RARB: variants seen among roughly 807,000 people sequenced by gnomAD.
RARB encodes the protein HBV-activated protein.
In RARB, 17 loss-of-function variants were observed where a neutral mutation model predicts 51.9. The ratio of observed to expected loss-of-function variants is 0.33; its 90% confidence interval spans 0.22 to 0.49. The LOEUF is 0.49. Among genes scored for constraint, RARB ranks in the 20% least tolerant of loss-of-function variants. The probability of loss-of-function intolerance (pLI) is 0.99; values close to 1 mark genes in which losing one functional copy is unlikely to be tolerated. For synonymous variants in RARB, 215 were observed against 195.4 expected (o/e 1.10, Z -0.84); for missense variants, 369 against 550.8 (o/e 0.67, Z 3.30).
At chr3:25,111,589 T>TG (rs927898289) in intron 3 of RARB, among the ~76,000 whole-genome samples, 6 of 149,448 alleles carry the variant, frequency 4.0e-5, no homozygotes, top group South Asian at 2.2e-4. Flanking sequence ...AGTGGTTTTT[T>TG]TTTTTTTTTT....
rs115826974 is a variant in RARB at position 25,227,550 on chromosome 3, T to A, written c.178+52975T>A. On this transcript the variant is annotated intron_variant, in intron 5 of 11. Transcript: ENST00000383772. ...TACATAAAATTCCTCTAGAAAGTAA[T>A]TGTTGACAGCTTGCTGTGGAAGATG... Among the ~76,000 whole-genome samples the A allele has an allele frequency of 3.9e-3, 600 of 152,234 alleles. 4 individuals carry two copies. Among genetic ancestry groups the A allele is most frequent in the African/African-American group, 0.013 (555 of 41,544 alleles).
chr3:25,186,650 G>C (rs1253459468), intron 5 of RARB, among the ~76,000 whole-genome samples: 2 of 152,012 alleles, frequency 1.3e-5, no homozygotes, highest in African/African-American at 4.8e-5. Flanking sequence ...ATAATGAATG[G>C]AAATGAATGA....
At chr3:24,861,571 T>A (rs1223394397) in intron 2 of RARB, among the ~76,000 whole-genome samples, 1 of 148,504 alleles carries the variant, frequency 6.7e-6, no homozygotes, top group Non-Finnish European at 1.5e-5. Flanking sequence ...AAACTTATCC[T>A]TGTTAACAGA....
At chr3:25,475,955 A>G (rs542167604) in intron 2 of RARB, among the ~76,000 whole-genome samples, 2 of 152,314 alleles carry the variant, frequency 1.3e-5, no homozygotes, top group African/African-American at 4.8e-5. Flanking sequence ...CACTCACACC[A>G]TGTGTCCATT....
At chr3:24,889,420 G>T (rs558532562) in intron 2 of RARB, among the ~76,000 whole-genome samples, 1 of 152,062 alleles carries the variant, frequency 6.6e-6, no homozygotes, top group Non-Finnish European at 1.5e-5. Context: ...CAGTGTTTAC[G>T]TTTTTTATTA....
rs1476753116 is a variant in RARB, at chr3:25,328,616, C to T, written c.179-132577C>T. On this transcript the variant is annotated intron_variant, in intron 5 of 11. Coordinates refer to the RARB transcript ENST00000383772. ...TCTACAGCTCCCAGCATGAGCGACA[C>T]AGAAGACAGGCAATTTTTGCGTTTC... Among the ~76,000 whole-genome samples, 5 of 152,196 alleles carry T rather than the reference C, an allele frequency of 3.3e-5. No individual in the cohort carries two copies. In the South Asian group the frequency reaches 1.0e-3, roughly 32 times the overall value.
At chr3:24,990,205 T>G (rs1463249719) in intron 2 of RARB, among the ~76,000 whole-genome samples, 1 of 101,634 alleles carries the variant, frequency 9.8e-6, no homozygotes. Flanking sequence ...CTTTAAGTTT[T>G]AGGGTACATG....
intron 5 of RARB, among the ~76,000 whole-genome samples, chr3:25,310,754 C>T (rs562737425): frequency 3.8e-4 from 58 of 152,284 alleles, no homozygotes; most frequent in African/African-American, 1.3e-3. Context: ...ACTGTCTGTG[C>T]CAGTGGTTGT....
At chr3:25,214,672 C>T (rs1701777800) in intron 5 of RARB, among the ~76,000 whole-genome samples, 1 of 152,194 alleles carries the variant, frequency 6.6e-6, no homozygotes, top group South Asian at 2.1e-4. Flanking sequence ...GCTCAATTTA[C>T]ACAGTTCCCA....
At chr3:25,255,416 T>C (rs915470803) in intron 5 of RARB, among the ~76,000 whole-genome samples, 9 of 152,200 alleles carry the variant, frequency 5.9e-5, no homozygotes. Context: ...TTTGTGTCAC[T>C]TTTGTGAATT....
intron 5 of RARB, among the ~76,000 whole-genome samples, chr3:25,389,925 T>C (rs1342038692): frequency 6.6e-6 from 1 of 152,108 alleles, no homozygotes; most frequent in East Asian, 1.9e-4. Flanking sequence ...AGAGTAGTGA[T>C]GTAGATAGCA....
At chr3:24,947,908 G>A (rs1229131277) in intron 2 of RARB, among the ~76,000 whole-genome samples, 1 of 151,970 alleles carries the variant, frequency 6.6e-6, no homozygotes, top group Non-Finnish European at 1.5e-5. Flanking sequence ...TTAAGAATAA[G>A]GCAAGGCTTG....
At chr3:25,404,282 C>T (rs1202105710) in intron 5 of RARB, among the ~76,000 whole-genome samples, 1 of 152,152 alleles carries the variant, frequency 6.6e-6, no homozygotes, top group Admixed American at 6.5e-5. Flanking sequence ...AAGGTGTTGG[C>T]TGCACTCTGT....
chr3:25,215,412 A>G (rs1701808465), intron 5 of RARB, among the ~76,000 whole-genome samples: 1 of 152,212 alleles, frequency 6.6e-6, no homozygotes, highest in Admixed American at 6.5e-5. Flanking sequence ...GGAAAAGACC[A>G]TAATTTATGG....
chr3:24,987,190 A>T (rs1696811806), intron 2 of RARB, among the ~76,000 whole-genome samples: 1 of 152,206 alleles, frequency 6.6e-6, no homozygotes, highest in Admixed American at 6.5e-5. Context: ...TAAGGAAGAT[A>T]AACTTAATCA....
chr3:25,473,470 G>T (rs1182688521), intron 2 of RARB, among the ~76,000 whole-genome samples: 1 of 151,938 alleles, frequency 6.6e-6, no homozygotes, highest in African/African-American at 2.4e-5. Flanking sequence ...TGCTAGCAGC[G>T]TCCTGCCTGG....
At chr3:25,206,461 T>C (rs1437183985) in intron 5 of RARB, among the ~76,000 whole-genome samples, 1 of 152,202 alleles carries the variant, frequency 6.6e-6, no homozygotes, top group East Asian at 1.9e-4. Flanking sequence ...GGCAGCATAA[T>C]GAGGTCTTTT....
chr3:25,313,913 G>GA (rs1373975145), intron 5 of RARB, among the ~76,000 whole-genome samples: 5 of 151,310 alleles, frequency 3.3e-5, no homozygotes, highest in African/African-American at 9.7e-5. Flanking sequence ...CTACAAAAAA[G>GA]AAAAAAAATT....
At chr3:25,108,749 T>A (rs975585115) in intron 3 of RARB, among the ~76,000 whole-genome samples, 2 of 152,216 alleles carry the variant, frequency 1.3e-5, no homozygotes, top group Non-Finnish European at 2.9e-5. Context: ...GTCTTCAAAT[T>A]GTACCACGTT....
Sources: allele counts gnomAD v4.1 joint callset (sites outside exome capture counted in the v4.1 genomes callset), GRCh38; gene constraint gnomAD v4.1.1; transcripts MANE v1.5; gene names NCBI Gene and HGNC (gene_info 2026-07-23, HGNC 2026-07-21).